The following DLGAP2 variants were observed in gnomAD, a reference collection of about 807,000 sequenced individuals.
DLGAP2 encodes the protein disks large-associated protein 2.
DLGAP2 carries 26 observed loss-of-function variants against 100.3 expected under a neutral mutation model. The ratio of observed to expected loss-of-function variants is 0.26; its 90% CI spans 0.19 to 0.36. The LOEUF (loss-of-function observed/expected upper bound fraction) is 0.36. DLGAP2 is among the 10% of genes least tolerant of loss of function. The pLI, the probability that DLGAP2 is intolerant of heterozygous loss-of-function variation, is 1.00. For missense variants in DLGAP2, 1,858 were observed against 1,453.2 expected, an observed-to-expected ratio of 1.28 and a Z score of -4.53; for synonymous variants, 886 against 630.1, an observed-to-expected ratio of 1.41 and a Z score of -6.08.
intron 7 of DLGAP2, among the ~76,000 whole-genome samples, chr8:1,632,493 C>T (rs1797671381): frequency 6.6e-6 from 1 of 152,182 alleles, no homozygotes; most frequent in Admixed American, 6.5e-5. Flanking sequence ...ATTCTGAACC[C>T]TTCCTTTGTA....
chr8:802,889 G>A (rs1176599681), intron 1 of DLGAP2, among the ~76,000 whole-genome samples: 2 of 152,242 alleles, frequency 1.3e-5, no homozygotes, highest in African/African-American at 4.8e-5. Flanking sequence ...AGAGTGGACA[G>A]TGCTGTGTCC....
intron 1 of DLGAP2, among the ~76,000 whole-genome samples, chr8:783,744 A>G (rs1821763141): frequency 1.3e-5 from 2 of 152,076 alleles, no homozygotes; most frequent in Admixed American, 1.3e-4. Flanking sequence ...GAAAAGGTGT[A>G]CCCTCCCACC....
At chr8:1,095,179 C>T (rs921280323) in intron 2 of DLGAP2, among the ~76,000 whole-genome samples, 4 of 152,282 alleles carry the variant, frequency 2.6e-5, no homozygotes, top group South Asian at 2.1e-4. Context: ...ATGAAGATGC[C>T]GTGGTCACCC....
intron 2 of DLGAP2, among the ~76,000 whole-genome samples, chr8:1,163,850 T>C (rs936456735): frequency 7.2e-5 from 11 of 152,248 alleles, no homozygotes; most frequent in Non-Finnish European, 1.3e-4. Flanking sequence ...GGAGCTCTGC[T>C]CAGCACTGCG....
intron 2 of DLGAP2, among the ~76,000 whole-genome samples, chr8:1,227,673 A>G (rs149682020): frequency 6.6e-6 from 1 of 152,268 alleles, no homozygotes; most frequent in Non-Finnish European, 1.5e-5. Context: ...AGGCAGACAC[A>G]GGAAGAAAAA....
At chr8:904,230 A>T (rs1267723175) in intron 1 of DLGAP2, among the ~76,000 whole-genome samples, 1 of 152,234 alleles carries the variant, frequency 6.6e-6, no homozygotes, top group Non-Finnish European at 1.5e-5. Flanking sequence ...AATTAAAATT[A>T]CATTGCTGGC....
chr8:861,282 T>G (rs1254032560), intron 1 of DLGAP2, among the ~76,000 whole-genome samples: 1 of 152,224 alleles, frequency 6.6e-6, no homozygotes, highest in African/African-American at 2.4e-5. Flanking sequence ...GGGAGCTGCG[T>G]AGGTTAGGTA....
intron 3 of DLGAP2, among the ~76,000 whole-genome samples, chr8:1,417,880 A>C (rs540930817): frequency 7.2e-5 from 11 of 152,362 alleles, no homozygotes; most frequent in Admixed American, 6.5e-4. Context: ...TCACAACACA[A>C]AAGTGCAGTT....
intron 2 of DLGAP2, among the ~76,000 whole-genome samples, chr8:1,093,255 A>T (rs1196356760): frequency 2.0e-5 from 3 of 151,978 alleles, no homozygotes; most frequent in African/African-American, 7.2e-5. Context: ...TCACACCCGC[A>T]GCCAGAAACA....
At chr8:766,960 G>A (rs1451974303) in intron 1 of DLGAP2, among the ~76,000 whole-genome samples, 2 of 152,212 alleles carry the variant, frequency 1.3e-5, no homozygotes, top group Non-Finnish European at 2.9e-5. Flanking sequence ...CTCAGCAGGA[G>A]CACAGCTTCC....
chr8:1,549,852 G>C (rs1801699737), intron 5 of DLGAP2, among the ~76,000 whole-genome samples, 169 bp downstream of exon 5: 1 of 152,216 alleles, frequency 6.6e-6, no homozygotes, highest in Admixed American at 6.5e-5. Flanking sequence ...GTTAACACAC[G>C]CATTACCTTA....
intron 6 of DLGAP2, among the ~76,000 whole-genome samples, chr8:1,588,713 C>A (rs924161602): frequency 7.6e-6 from 1 of 132,200 alleles, no homozygotes; most frequent in African/African-American, 2.9e-5. Context: ...ACCAGTCTGG[C>A]CAACATGGTG....
chr8:1,027,706 G>C (rs1801847738), intron 2 of DLGAP2, among the ~76,000 whole-genome samples: 2 of 140,014 alleles, frequency 1.4e-5, no homozygotes. Context: ...TCTCCAGGTG[G>C]GGTGTCAGGC....
chr8:1,390,321 C>G (rs1563122051), intron 3 of DLGAP2, among the ~76,000 whole-genome samples: 1 of 152,156 alleles, frequency 6.6e-6, no homozygotes, highest in Non-Finnish European at 1.5e-5. Flanking sequence ...TGTATCTTTA[C>G]AAACTCTTAT....
intron 2 of DLGAP2, among the ~76,000 whole-genome samples, chr8:1,164,235 A>AGGGCCCGTCATTTTGGTTTGTGGG (rs1796961243): frequency 1.1e-5 from 1 of 90,938 alleles, no homozygotes; most frequent in Admixed American, 1.4e-4. Flanking sequence ...TTGTGGGGAC[A>AGGGCCCGTCATTTTGGTTTGTGGG]GATTTTTCTG....
At chr8:1,535,502 A>G (rs972510900) in intron 4 of DLGAP2, among the ~76,000 whole-genome samples, 4 of 152,224 alleles carry the variant, frequency 2.6e-5, no homozygotes, top group Non-Finnish European at 5.9e-5. Flanking sequence ...TCAGATGGGC[A>G]TGCCTAGCAC....
At chr8:1,645,575 C>T (rs7016849) in intron 8 of DLGAP2, among the ~76,000 whole-genome samples, 87,609 of 152,076 alleles carry the variant, frequency 0.58, 26,157 homozygotes, top group African/African-American at 0.75. Context: ...AAAATATGGA[C>T]TATATGGAGT....
At chr8:1,691,189 C>T (rs79972577) in intron 12 of DLGAP2, among the ~76,000 whole-genome samples, 1,988 of 152,326 alleles carry the variant, frequency 0.013, 105 homozygotes, top group East Asian at 0.099. Context: ...CTTTCACTCA[C>T]ACGTGTTCTT....
intron 3 of DLGAP2, among the ~76,000 whole-genome samples, chr8:1,315,311 C>T (rs1800708983): frequency 6.7e-6 from 1 of 149,138 alleles, no homozygotes; most frequent in Non-Finnish European, 1.5e-5. Context: ...AGCGTCTCTC[C>T]AACATTGGTC....
Sources: gnomAD v4.1 joint callset for allele counts (sites outside exome capture counted in the v4.1 genomes callset) on GRCh38, gnomAD v4.1.1 for gene constraint, MANE v1.5 for transcripts, NCBI Gene and HGNC (gene_info 2026-07-23, HGNC 2026-07-21) for gene names.